Variants in ANO4 observed in about 807,000 individuals in gnomAD.
ANO4 encodes anoctamin-4.
Under a neutral mutation model 141.9 loss-of-function variants are expected in ANO4, and 69 were observed. That is an observed-to-expected ratio of 0.49 (90% CI 0.40 to 0.59). ANO4 has a LOEUF of 0.59. ANO4 is among the 20% of genes least tolerant of loss of function. The probability of loss-of-function intolerance (pLI) is 0.00; values close to 1 mark genes in which losing one functional copy is unlikely to be tolerated. For synonymous variants in ANO4, 350 were observed against 394.3 expected (o/e 0.89, Z 1.33); for missense variants, 894 against 1,162.2 (o/e 0.77, Z 3.36).
intron 27 of ANO4, 59 bp downstream of exon 27, chr12:101,127,133 A>G (rs1004333455): frequency 6.7e-7 from 1 of 1,490,030 alleles, no homozygotes; most frequent in Non-Finnish European, 9.1e-7. Context: ...GGTGCTTTAA[A>G]CTCCCTGAAG....
chr12:100,752,845 TAACA>T (rs1194826746), intron 3 of ANO4, among the ~76,000 whole-genome samples: 2 of 152,166 alleles, frequency 1.3e-5, no homozygotes, highest in African/African-American at 2.4e-5. Flanking sequence ...TAATACTGAA[TAACA>T]AACAACCCCA....
chr12:100,972,249 C>CA (rs769235405), intron 6 of ANO4, among the ~76,000 whole-genome samples: 6 of 152,148 alleles, frequency 3.9e-5, no homozygotes, highest in Non-Finnish European at 5.9e-5. Flanking sequence ...AAATTGGTAC[C>CA]AACTCTACAG....
At chr12:100,815,289 G>A (rs2035671113) in intron 1 of ANO4, among the ~76,000 whole-genome samples, 1 of 152,062 alleles carries the variant, frequency 6.6e-6, no homozygotes, top group South Asian at 2.1e-4. Flanking sequence ...GTATTTTTCT[G>A]AGCTTTCAGA....
chr12:100,760,969 C>T (rs1361116427), intron 3 of ANO4, among the ~76,000 whole-genome samples: 1 of 152,168 alleles, frequency 6.6e-6, no homozygotes, highest in Non-Finnish European at 1.5e-5. Flanking sequence ...GCTTCTCATC[C>T]TATGTATCTT....
intron 1 of ANO4, among the ~76,000 whole-genome samples, chr12:100,857,390 G>A (rs985992031): frequency 2.6e-5 from 4 of 152,114 alleles, no homozygotes; most frequent in Non-Finnish European, 4.4e-5. Flanking sequence ...TATTTATGGA[G>A]TACTCACTGT....
chr12:100,935,338 T>C (rs909294880), intron 3 of ANO4, among the ~76,000 whole-genome samples: 2 of 151,914 alleles, frequency 1.3e-5, no homozygotes, highest in Non-Finnish European at 2.9e-5. Context: ...TTTCTGCATT[T>C]ATTGAGATAA....
rs1361396697 is a variant in ANO4 at position 101,110,420 on chromosome 12, C to T, written c.2166C>T (p.Phe722=). Residue 722 remains phenylalanine, a synonymous_variant, in exon 23 of 28, where the codon TTC becomes TTT. Coordinates refer to ENST00000392977, the MANE Select transcript of ANO4 (RefSeq NM_001286615.2). ...EYLEMILQFG[F]TTIFVAAFPL... ...CTTTTCTAGTTCTTCAGTTTGGATT[C>T]ACAACTATCTTTGTGGCAGCTTTTC... 6.2e-6 allele frequency: 10 copies of T among 1,606,230 alleles called. No homozygotes were observed. The highest frequency in any genetic ancestry group is 8.5e-6 in the Non-Finnish European group (10 of 1,177,300).
chr12:100,965,565 A>G (rs978682030), intron 5 of ANO4, among the ~76,000 whole-genome samples: 1 of 152,022 alleles, frequency 6.6e-6, no homozygotes, highest in African/African-American at 2.4e-5. Flanking sequence ...TGGCATGATC[A>G]TTCCCAGCCC....
chr12:100,771,108 A>G (rs879870568), intron 3 of ANO4, among the ~76,000 whole-genome samples: 4 of 152,290 alleles, frequency 2.6e-5, no homozygotes, highest in Admixed American at 1.3e-4. Context: ...TATCACTGTC[A>G]TATTGAAGAG....
chr12:100,993,807 G>A (rs1053732900), intron 8 of ANO4, among the ~76,000 whole-genome samples: 1 of 152,134 alleles, frequency 6.6e-6, no homozygotes, highest in Non-Finnish European at 1.5e-5. Flanking sequence ...GGGATAACTA[G>A]TCTACCTGTG....
intron 14 of ANO4, among the ~76,000 whole-genome samples, chr12:101,074,406 G>T (rs572325171): frequency 1.3e-5 from 2 of 152,126 alleles, no homozygotes; most frequent in African/African-American, 4.8e-5. Flanking sequence ...AAAGCACCCC[G>T]CAATGTTTTA....
chr12:100,923,507 G>A lies in ANO4; in HGVS notation c.160+1177G>A, dbSNP rs1234943105. 2.0e-5 allele frequency among the ~76,000 whole-genome samples: 3 copies of A among 152,232 alleles called. No homozygotes were observed. The East Asian group carries it at 5.8e-4, about 29-fold the overall frequency. On this transcript the variant is annotated intron_variant, in intron 3 of 27. Coordinates refer to ENST00000392977, the MANE Select transcript of ANO4 (RefSeq NM_001286615.2). ...CTGCATAGTATTCCATGGTGTATATGTGCCACATTTTTTAAATCCAGTCTA... is the reference window on the plus strand; with the variant it reads ...CTGCATAGTATTCCATGGTGTATATATGCCACATTTTTTAAATCCAGTCTA...
intron 1 of ANO4, among the ~76,000 whole-genome samples, chr12:100,725,623 G>A (rs1376757010): frequency 6.6e-6 from 1 of 152,120 alleles, no homozygotes; most frequent in East Asian, 1.9e-4. Flanking sequence ...TGGGATTATA[G>A]GCATGAGCCA....
At chr12:100,941,376 TA>T (rs903014898) in intron 4 of ANO4, among the ~76,000 whole-genome samples, 3 of 152,212 alleles carry the variant, frequency 2.0e-5, no homozygotes, top group African/African-American at 7.2e-5. Context: ...TTCGTAGTCT[TA>T]ACAACTTATA....
Position 101,120,587 on chromosome 12 carries a change from G to C in ANO4, c.2638G>C (p.Val880Leu), listed in dbSNP as rs570033114. ...TGGCTACACACTGCAGTTTTGGCAT[G>C]TCCTAGCTGCTCGATTAGCTTTTAT... ...PYGYTLQFWH[V>L]LAARLAFIIV... The change falls in exon 26 of 28, where the codon GTC becomes CTC. Residue 880 changes from valine to leucine, a missense_variant. By Grantham distance (32) the Val-to-Leu change is conservative. This residue lies in a region of ANO4 where 637 missense variants were observed against 909.2 expected (regional missense o/e 0.70). Coordinates refer to ENST00000392977, the MANE Select transcript of ANO4 (RefSeq NM_001286615.2). The C allele has an allele frequency of 1.2e-6, 2 of 1,614,070 alleles. No individual in the cohort carries two copies.
At chr12:100,730,677 TA>T (rs2031345362) in intron 1 of ANO4, among the ~76,000 whole-genome samples, 1 of 152,168 alleles carries the variant, frequency 6.6e-6, no homozygotes, top group South Asian at 2.1e-4. Context: ...AGGAGATGTG[TA>T]AACCAGTGTA....
At chr12:100,755,720 AC>A (rs146029123) in intron 3 of ANO4, among the ~76,000 whole-genome samples, 4,126 of 152,252 alleles carry the variant, frequency 0.027, 184 homozygotes, top group African/African-American at 0.093. Flanking sequence ...GTTTGCTTGC[AC>A]CTGCTTAACC....
chr12:101,014,947 A>C (rs1162858989), intron 8 of ANO4, among the ~76,000 whole-genome samples: 1 of 151,996 alleles, frequency 6.6e-6, no homozygotes, highest in East Asian at 1.9e-4. Flanking sequence ...GCCCTGCCTC[A>C]GCCTCCTGAG....
At chr12:101,039,732 C>T (rs572836894) in intron 10 of ANO4, among the ~76,000 whole-genome samples, 9 of 152,164 alleles carry the variant, frequency 5.9e-5, no homozygotes, top group Non-Finnish European at 1.3e-4. Flanking sequence ...TCAGTTCAAA[C>T]CTTCCTGATT....
Sources: allele counts gnomAD v4.1 joint callset (sites outside exome capture counted in the v4.1 genomes callset), GRCh38; gene constraint gnomAD v4.1.1; regional missense constraint gnomAD v4.1.1; transcripts MANE v1.5; gene names NCBI Gene and HGNC (gene_info 2026-07-23, HGNC 2026-07-21).